The following ACVR2B variants were observed in gnomAD, a reference collection of about 807,000 sequenced individuals.
ACVR2B encodes activin receptor type-2B.
Under a neutral mutation model 65.1 loss-of-function variants are expected in ACVR2B, and 18 were observed. That is an observed-to-expected ratio of 0.28 (90% CI 0.19 to 0.41). ACVR2B has a LOEUF of 0.41. Among genes scored for constraint, ACVR2B ranks in the 10% least tolerant of loss-of-function variants. ACVR2B has a pLI of 1.00. For synonymous variants in ACVR2B, 298 were observed against 277.7 expected (o/e 1.07, Z -0.73); for missense variants, 482 against 682.7 (o/e 0.71, Z 3.28).
rs1228026024 is a variant in ACVR2B, at chr3:38,478,343, G to C, written c.523-32G>C. 11 of 1,614,042 alleles carry C rather than the reference G, an allele frequency of 6.8e-6. No individual in the cohort carries two copies. The South Asian group carries it at 1.1e-4, about 16-fold the overall frequency. ...GGCAGGATAGAGGTGGGGAGGACAG[G>C]CCAGACCTTTTTAAGCCTTGCTCTC... On this transcript the variant is annotated intron_variant, in intron 4 of 10. Coordinates refer to ENST00000352511, the MANE Select transcript of ACVR2B (RefSeq NM_001106.4).
chr3:38,464,228 A>G (rs1287767499), intron 1 of ACVR2B, among the ~76,000 whole-genome samples: 3 of 152,232 alleles, frequency 2.0e-5, no homozygotes, highest in African/African-American at 7.2e-5. Flanking sequence ...TTTGGAATGG[A>G]AGTTAATTTT....
chr3:38,467,463 A>G lies in ACVR2B; in HGVS notation c.53-9824A>G, dbSNP rs74975335. ...TGTCTCAAAAAAAAAAAAAAGGCAGACAAATGGGTTGAGTGCAGTGGCTCA... is the reference window on the plus strand; with the variant it reads ...TGTCTCAAAAAAAAAAAAAAGGCAGGCAAATGGGTTGAGTGCAGTGGCTCA... On this transcript the variant is annotated intron_variant, in intron 1 of 10. Transcript: ENST00000352511. 3.0e-3 allele frequency among the ~76,000 whole-genome samples: 451 copies of G among 151,884 alleles called. 7 individuals are homozygous for G. The highest frequency in any genetic ancestry group is 0.01 in the African/African-American group (420 of 41,390).
chr3:38,466,559 A>T (rs1709731875), intron 1 of ACVR2B, among the ~76,000 whole-genome samples: 1 of 148,450 alleles, frequency 6.7e-6, no homozygotes, highest in Non-Finnish European at 1.5e-5. Flanking sequence ...GCTGGAGTGC[A>T]GTGGGGCCAT....
intron 8 of ACVR2B, 37 bp from the exon 9 acceptor site, chr3:38,482,161 G>T: frequency 6.2e-7 from 1 of 1,613,712 alleles, no homozygotes; most frequent in Non-Finnish European, 8.5e-7. Context: ...TGTATGGCCA[G>T]TCACTGTAAA....
intron 6 of ACVR2B, 130 bp downstream of exon 6, chr3:38,479,401 A>G: frequency 7.2e-7 from 1 of 1,383,758 alleles, no homozygotes; most frequent in Admixed American, 1.8e-5. Flanking sequence ...AGCACTATCC[A>G]CTATGGGGTT....
rs1408440884 is a variant in ACVR2B, at chr3:38,492,261, A to G, written c.*8929A>G. Reference sequence around the variant, plus strand: ...AGAAGGAAAACCCTAAGACTTGTCTAACTTAGTGGAGAATGTGTGTGTTGG... The same window carrying G: ...AGAAGGAAAACCCTAAGACTTGTCTGACTTAGTGGAGAATGTGTGTGTTGG... On this transcript the variant is annotated 3_prime_UTR_variant, in exon 11 of 11. Transcript: ENST00000352511. The G allele has an allele frequency of 3.9e-5, 6 of 152,642 alleles. No homozygotes were observed. The East Asian group carries it at 1.2e-3, about 29-fold the overall frequency. The allele number at this position is 152,642 out of a possible 1,614,324, so 9.5% of individuals were successfully genotyped here.
At chr3:38,462,181 G>A (rs1709659314) in intron 1 of ACVR2B, among the ~76,000 whole-genome samples, 1 of 151,962 alleles carries the variant, frequency 6.6e-6, no homozygotes, top group African/African-American at 2.4e-5. Context: ...GCAACAGAGC[G>A]AGACTCCATC....
chr3:38,492,536 A>G lies in ACVR2B; in HGVS notation c.*9204A>G, dbSNP rs2059817377. The G allele has an allele frequency of 6.6e-6, 1 of 152,208 alleles. No individual in the cohort carries two copies. The highest frequency in any genetic ancestry group is 1.5e-5 in the Non-Finnish European group (1 of 68,024). The allele number at this position is 152,208 out of a possible 1,614,324, so 9.4% of individuals were successfully genotyped here. A position where few individuals can be genotyped will look rare whatever the true frequency, so the allele number is the denominator to read the frequency against. ...GTATACCAGGATATGTGAGATGTAA[A>G]TGTAGTAGGTCACTTTTCACCCTTG... On this transcript the variant is annotated 3_prime_UTR_variant, in exon 11 of 11. Transcript: ENST00000352511.
intron 1 of ACVR2B, among the ~76,000 whole-genome samples, chr3:38,470,378 A>G (rs560008593): frequency 1.3e-5 from 2 of 152,362 alleles, no homozygotes; most frequent in East Asian, 1.9e-4. Context: ...TTTCAGCAAC[A>G]GTAGTGGAAG....
Position 38,492,776 on chromosome 3 carries a change from A to G in ACVR2B, c.*9444A>G. ...CACACACACACACACACACACACAC[A>G]CACACACACACACACACACACACAC... is the stretch of plus-strand genomic sequence containing the variant. On this transcript the variant is annotated 3_prime_UTR_variant, in exon 11 of 11. Transcript: ENST00000352511. 9.3e-6 allele frequency: 1 copy of G among 107,224 alleles called. No individual in the cohort carries two copies. The highest frequency in any genetic ancestry group is 3.5e-5 in the African/African-American group (1 of 28,874). 6.6% of individuals were successfully genotyped at this position (107,224 alleles called of 1,614,324 possible). A position where few individuals can be genotyped will look rare whatever the true frequency, so the allele number is the denominator to read the frequency against.
chr3:38,462,441 GTC>G (rs1275257142), intron 1 of ACVR2B, among the ~76,000 whole-genome samples: 2 of 152,126 alleles, frequency 1.3e-5, no homozygotes, highest in Non-Finnish European at 2.9e-5. Flanking sequence ...TTCCATTTCA[GTC>G]TCTGCCCACA....
At chr3:38,461,950 T>C (rs1360704298) in intron 1 of ACVR2B, among the ~76,000 whole-genome samples, 1 of 152,100 alleles carries the variant, frequency 6.6e-6, no homozygotes, top group Non-Finnish European at 1.5e-5. Context: ...CCCAGCACTT[T>C]GGGAGGCCAA....
At chr3:38,465,127 A>G (rs1709707374) in intron 1 of ACVR2B, among the ~76,000 whole-genome samples, 2 of 151,974 alleles carry the variant, frequency 1.3e-5, no homozygotes, top group Admixed American at 1.3e-4. Flanking sequence ...GGCTGGGCGC[A>G]GTGGCTCATG....
chr3:38,463,375 C>T (rs998003389), intron 1 of ACVR2B, among the ~76,000 whole-genome samples: 1 of 152,250 alleles, frequency 6.6e-6, no homozygotes, highest in Non-Finnish European at 1.5e-5. Flanking sequence ...GTGATAATGA[C>T]GTTGGGGGTA....
chr3:38,476,945 G>C (rs934869932), intron 1 of ACVR2B: 9 of 415,168 alleles, frequency 2.2e-5, no homozygotes, highest in South Asian at 5.9e-5. Flanking sequence ...AGGAGCCTCA[G>C]GTGTTGGTGC....
At chr3:38,468,964 TTCAGAG>T (rs1432113825) in intron 1 of ACVR2B, among the ~76,000 whole-genome samples, 3 of 152,162 alleles carry the variant, frequency 2.0e-5, no homozygotes, top group Non-Finnish European at 2.9e-5. Context: ...AGGCATGTAT[TTCAGAG>T]CTGTGGGAGG....
rs2059815402 is a variant in ACVR2B at position 38,492,131 on chromosome 3, AAC to A, written c.*8801_*8802del. 1.3e-5 allele frequency: 2 copies of A among 152,562 alleles called. No individual in the cohort carries two copies. Among genetic ancestry groups the A allele is most frequent in the African/African-American group, 2.4e-5 (1 of 41,472 alleles). 9.5% of individuals were successfully genotyped at this position (152,562 alleles called of 1,614,324 possible). ...CACAGCAAAGGACAAAATTTGCAGG[AAC>A]AGTTTTGGAACCAACAGAAAATGTC... On this transcript the variant is annotated 3_prime_UTR_variant, in exon 11 of 11. Coordinates refer to ENST00000352511, the MANE Select transcript of ACVR2B (RefSeq NM_001106.4).
chr3:38,478,417 C>G lies in ACVR2B; in HGVS notation c.565C>G (p.Pro189Ala). The change falls in exon 5 of 11, where the codon CCA becomes GCA. Residue 189 changes from proline (P) to alanine (A), a missense_variant. By Grantham distance (27) the Pro-to-Ala change is conservative. Transcript: ENST00000352511. ...ACCATCCCCTCTGGTGGGCCTGAAGCCACTGCAGCTGCTGGAGATCAAGGC... is the reference window on the plus strand; with the variant it reads ...ACCATCCCCTCTGGTGGGCCTGAAGGCACTGCAGCTGCTGGAGATCAAGGC... ...PPPSPLVGLK[P>A]LQLLEIKARG... 1 of 1,614,154 alleles carries G rather than the reference C, an allele frequency of 6.2e-7. No homozygotes were observed. The highest frequency in any genetic ancestry group is 8.5e-7 in the Non-Finnish European group (1 of 1,180,032).
Position 38,479,762 on chromosome 3 carries a change from TCA to T in ACVR2B, c.896_897del (p.Ser299LeufsTer4). ...AGCAGAGACGATGTCACGAGGCCTC[TCA>T]TACCTGCATGAGGATGTGCCCTGGT... The part of the protein sequence containing the change: ...HVAETMSRGL[S>X]YLHEDVPWCR... On this transcript the variant is annotated frameshift_variant, in exon 7 of 11. Transcript: ENST00000352511. LOFTEE classifies it high-confidence loss of function. 1 of 1,614,228 alleles carries T rather than the reference TCA, an allele frequency of 6.2e-7. No individual in the cohort carries two copies. The highest frequency in any genetic ancestry group is 8.5e-7 in the Non-Finnish European group (1 of 1,180,046).
Sources: allele counts gnomAD v4.1 joint callset (sites outside exome capture counted in the v4.1 genomes callset), GRCh38; gene constraint gnomAD v4.1.1; transcripts MANE v1.5; gene names NCBI Gene and HGNC (gene_info 2026-07-23, HGNC 2026-07-21).